The following GRAMD1C variants were observed in gnomAD, a reference collection of about 807,000 sequenced individuals.
The protein encoded by GRAMD1C is protein Aster-C.
In GRAMD1C, 89 loss-of-function variants were observed where a neutral mutation model predicts 97.8. That is an observed-to-expected ratio of 0.91 (90% CI 0.77 to 1.09). The LOEUF (loss-of-function observed/expected upper bound fraction) is 1.09, where lower values mean the gene tolerates loss of function less well. Ranked by LOEUF, GRAMD1C falls within the 50% of genes least tolerant of loss-of-function variation. The probability of loss-of-function intolerance (pLI) is 0.00; values close to 1 mark genes in which losing one functional copy is unlikely to be tolerated. For synonymous variants in GRAMD1C, 256 were observed against 267.0 expected, an observed-to-expected ratio of 0.96 and a Z score of 0.40; for missense variants, 740 against 766.4, an observed-to-expected ratio of 0.97 and a Z score of 0.41.
chr3:113,913,261 G>A (rs2712340), intron 9 of GRAMD1C: 80,692 of 414,782 alleles, frequency 0.19, 8,588 homozygotes, highest in African/African-American at 0.29. Flanking sequence ...GTGGTGGCGC[G>A]CGCTTGTAAT....
chr3:113,908,322 A>T (rs550858762), intron 8 of GRAMD1C, among the ~76,000 whole-genome samples: 1 of 152,330 alleles, frequency 6.6e-6, no homozygotes, highest in East Asian at 1.9e-4. Flanking sequence ...TATTATAGAG[A>T]TGACATCATC....
At chr3:113,916,478 G>A (rs1936818477) in intron 10 of GRAMD1C, among the ~76,000 whole-genome samples, 1 of 152,184 alleles carries the variant, frequency 6.6e-6, no homozygotes, top group Non-Finnish European at 1.5e-5. Flanking sequence ...CAGATACAAT[G>A]TTGAGCAAAA....
At chr3:113,832,815 G>T (rs907620943) in intron 1 of GRAMD1C, among the ~76,000 whole-genome samples, 2 of 152,188 alleles carry the variant, frequency 1.3e-5, no homozygotes, top group Non-Finnish European at 2.9e-5. Flanking sequence ...AGTCTTTGCA[G>T]ACTGGCTTTC....
intron 1 of GRAMD1C, among the ~76,000 whole-genome samples, chr3:113,841,062 C>T (rs1242485419): frequency 6.6e-6 from 1 of 152,070 alleles, no homozygotes; most frequent in East Asian, 1.9e-4. Flanking sequence ...ACATATTAGC[C>T]AAATCTATCA....
At chr3:113,863,542 T>C (rs1934476220) in intron 2 of GRAMD1C, among the ~76,000 whole-genome samples, 1 of 152,236 alleles carries the variant, frequency 6.6e-6, no homozygotes, top group Admixed American at 6.5e-5. Flanking sequence ...TCTGGAATTA[T>C]ATAGTGGTGA....
chr3:113,893,795 G>A (rs1184356399), intron 6 of GRAMD1C, among the ~76,000 whole-genome samples: 1 of 152,138 alleles, frequency 6.6e-6, no homozygotes, highest in Non-Finnish European at 1.5e-5. Context: ...TGTAACAGAT[G>A]ATCAATAAAT....
At position 113,838,820 on chromosome 3, in the gene GRAMD1C, C is replaced by T. The variant is rs902217077; in HGVS notation, c.-90C>T. On this transcript the variant is annotated 5_prime_UTR_variant, in exon 1 of 18. Transcript: ENST00000358160. ...GGGCCGGCGGAGGAGGCGCGCGGAG[C>T]CTGTAACTCGCAGCGCGCGCTGGAG... The T allele has an allele frequency of 1.0e-6, 1 of 958,234 alleles. No homozygotes were observed. 59.4% of individuals were successfully genotyped at this position (958,234 alleles called of 1,614,324 possible).
At chr3:113,881,865 T>C (rs1935276202) in intron 5 of GRAMD1C, among the ~76,000 whole-genome samples, 1 of 152,212 alleles carries the variant, frequency 6.6e-6, no homozygotes, top group Non-Finnish European at 1.5e-5. Context: ...TTATGAATAA[T>C]GTATAGCAAA....
At chr3:113,844,778 A>G (rs759643578) in intron 2 of GRAMD1C, 129 bp downstream of exon 2, 5 of 615,154 alleles carry the variant, frequency 8.1e-6, no homozygotes, top group Non-Finnish European at 1.4e-5. Flanking sequence ...ATTTTAGTCC[A>G]GAGTCCCAAA....
rs1167256117 is a variant in GRAMD1C at position 113,911,175 on chromosome 3, C to CACACACACACACACACAT, written c.952+2069_952+2070insACATACACACACACACAC. Among the ~76,000 whole-genome samples, 5 of 145,964 alleles carry CACACACACACACACACAT rather than the reference C, an allele frequency of 3.4e-5. No individual in the cohort carries two copies. The East Asian group carries it at 9.7e-4, about 28-fold the overall frequency. On this transcript the variant is annotated intron_variant, in intron 9 of 17. Coordinates refer to ENST00000358160, the MANE Select transcript of GRAMD1C (RefSeq NM_017577.5). Reference sequence around the variant, plus strand: ...GAGCAGGGAACAACAGAGAGAGAGACACACACACACACACGCACACGAGAG... The same window carrying CACACACACACACACACAT: ...GAGCAGGGAACAACAGAGAGAGAGACACACACACACACACACATACACACACACACACGCACACGAGAG...
intron 8 of GRAMD1C, among the ~76,000 whole-genome samples, chr3:113,907,573 G>C (rs952620759): frequency 6.6e-6 from 1 of 151,942 alleles, no homozygotes; most frequent in East Asian, 1.9e-4. Context: ...TACAAGCATC[G>C]TATGTCACTT....
At chr3:113,893,576 A>G (rs1935816139) in intron 6 of GRAMD1C, among the ~76,000 whole-genome samples, 1 of 152,186 alleles carries the variant, frequency 6.6e-6, no homozygotes, top group Non-Finnish European at 1.5e-5. Context: ...TTAACTATAA[A>G]TCCCTTGAAG....
intron 2 of GRAMD1C, among the ~76,000 whole-genome samples, chr3:113,858,376 G>A (rs1379784723): frequency 1.4e-5 from 2 of 140,132 alleles, no homozygotes; most frequent in African/African-American, 2.7e-5. Flanking sequence ...GGGATTACAG[G>A]CATGTAATCC....
At chr3:113,841,883 GA>G (rs149044645) in intron 1 of GRAMD1C, among the ~76,000 whole-genome samples, 2,237 of 152,188 alleles carry the variant, frequency 0.015, 44 homozygotes, top group African/African-American at 0.049. Context: ...TTTTTGTAGA[GA>G]GGGGGCCTTG....
At chr3:113,836,642 T>C (rs1709635928), upstream of GRAMD1C, among the ~76,000 whole-genome samples, 1 of 150,242 alleles carries the variant, frequency 6.7e-6, no homozygotes, top group Non-Finnish European at 1.5e-5. Context: ...ATTATTATTA[T>C]TATTTATTAT....
chr3:113,884,527 A>G (rs1389383766), intron 6 of GRAMD1C, among the ~76,000 whole-genome samples: 5 of 152,176 alleles, frequency 3.3e-5, no homozygotes, highest in East Asian at 1.9e-4. Context: ...TCAATAACCT[A>G]TATTTCTGCC....
At chr3:113,848,436 A>G (rs1373649857) in intron 2 of GRAMD1C, among the ~76,000 whole-genome samples, 1 of 151,912 alleles carries the variant, frequency 6.6e-6, no homozygotes, top group Admixed American at 6.6e-5. Flanking sequence ...ATGGCTTAAG[A>G]TTTTCAGATT....
At chr3:113,860,366 T>A (rs2566989) in intron 2 of GRAMD1C, among the ~76,000 whole-genome samples, 17,588 of 152,142 alleles carry the variant, frequency 0.12, 1,362 homozygotes, top group African/African-American at 0.22. Flanking sequence ...AAAACTTTAT[T>A]GAAAGATATT....
intron 3 of GRAMD1C, among the ~76,000 whole-genome samples, chr3:113,871,751 A>AAG (rs1233253139): frequency 6.7e-6 from 1 of 150,226 alleles, no homozygotes; most frequent in Non-Finnish European, 1.5e-5. Context: ...TCTCAAAAAA[A>AAG]AAAAAAAAAA....
Sources: allele counts gnomAD v4.1 joint callset (sites outside exome capture counted in the v4.1 genomes callset), GRCh38; gene constraint gnomAD v4.1.1; transcripts MANE v1.5; gene names NCBI Gene and HGNC (gene_info 2026-07-23, HGNC 2026-07-21).